M1AP: variants seen among roughly 807,000 people sequenced by gnomAD.
The protein encoded by M1AP is meiosis 1 arrest protein.
Under a neutral mutation model 51.2 loss-of-function variants are expected in M1AP, and 39 were observed. That is an observed-to-expected ratio of 0.76 (90% CI 0.59 to 1.00). The LOEUF (loss-of-function observed/expected upper bound fraction) is 1.00, where lower values mean the gene tolerates loss of function less well. M1AP is among the 50% of genes least tolerant of loss of function. The pLI, the probability that M1AP is intolerant of heterozygous loss-of-function variation, is 0.00. For missense variants in M1AP, 545 were observed against 641.2 expected (o/e 0.85, Z 1.62); for synonymous variants, 251 against 249.2 (o/e 1.01, Z -0.07).
At chr2:74,566,767 G>T (rs1678420095) in intron 7 of M1AP, among the ~76,000 whole-genome samples, 1 of 151,106 alleles carries the variant, frequency 6.6e-6, no homozygotes, top group African/African-American at 2.4e-5. Flanking sequence ...ATTTAACCAA[G>T]CACTTTCCAT....
chr2:74,561,217 AAGGAGGAGGAGGAGAAGGAGGAGGAGG>A (rs1558643923), intron 8 of M1AP, among the ~76,000 whole-genome samples: 3 of 24,736 alleles, frequency 1.2e-4, no homozygotes, highest in Non-Finnish European at 2.0e-4. Flanking sequence ...GGAGGAGGAG[AAGGAGGAGGAGGAGAAGGAGGAGGAGG>A]AGGAGGAGGA....
At chr2:74,620,197 G>A (rs1347307877) in intron 2 of M1AP, among the ~76,000 whole-genome samples, 1 of 152,138 alleles carries the variant, frequency 6.6e-6, no homozygotes, top group Non-Finnish European at 1.5e-5. Flanking sequence ...AACCCTCCTA[G>A]ATAATGTAAT....
chr2:74,603,108 G>A (rs1426675517), intron 4 of M1AP, among the ~76,000 whole-genome samples: 2 of 152,172 alleles, frequency 1.3e-5, no homozygotes, highest in African/African-American at 4.8e-5. Flanking sequence ...GTGGCCTAGG[G>A]AACTATGATT....
intron 3 of M1AP, among the ~76,000 whole-genome samples, chr2:74,609,789 ATT>A (rs2104714276): frequency 6.6e-6 from 1 of 152,042 alleles, no homozygotes; most frequent in South Asian, 2.1e-4. Flanking sequence ...TGTGGGTTTG[ATT>A]TGCATTTCTC....
intron 4 of M1AP, among the ~76,000 whole-genome samples, chr2:74,583,674 T>C (rs1479184381): frequency 6.6e-6 from 1 of 152,256 alleles, no homozygotes; most frequent in Non-Finnish European, 1.5e-5. Context: ...AATTAGCTTC[T>C]GTGTATGACT....
intron 4 of M1AP, among the ~76,000 whole-genome samples, chr2:74,582,946 G>A (rs1300064283): frequency 6.6e-6 from 1 of 152,030 alleles, no homozygotes; most frequent in African/African-American, 2.4e-5. Flanking sequence ...GCTTGAATCT[G>A]GGAGACAGAG....
chr2:74,618,922 G>T (rs571806691), intron 2 of M1AP: 22 of 532,738 alleles, frequency 4.1e-5, no homozygotes, highest in Middle Eastern at 3.2e-4. Flanking sequence ...TGTCTTTGGG[G>T]AAAAGCGTCA....
At chr2:74,599,946 TC>T (rs1680582973) in intron 4 of M1AP, among the ~76,000 whole-genome samples, 1 of 152,028 alleles carries the variant, frequency 6.6e-6, no homozygotes, top group Non-Finnish European at 1.5e-5. Flanking sequence ...TACTTCCTCC[TC>T]AGCGTGCCTA....
At chr2:74,602,974 G>T (rs1386620699) in intron 4 of M1AP, among the ~76,000 whole-genome samples, 1 of 152,202 alleles carries the variant, frequency 6.6e-6, no homozygotes, top group Non-Finnish European at 1.5e-5. Context: ...AGTTCTTTCT[G>T]GTGACAGTCA....
rs923815938 is a variant in M1AP, at chr2:74,636,330, T to C, written c.240+3706A>G. Among the ~76,000 whole-genome samples the C allele has an allele frequency of 3.3e-5, 5 of 152,242 alleles. No individual in the cohort carries two copies. The South Asian group carries it at 1.0e-3, about 32-fold the overall frequency. The stretch of plus-strand genomic sequence containing the variant: ...ATATATCCCTTTCCATTCTTTTACT[T>C]TCAGCCTACATTTAATGTGTTTGAA... On this transcript the variant is annotated intron_variant, in intron 2 of 10. Coordinates refer to ENST00000421985, the MANE Select transcript of M1AP (RefSeq NM_001321739.2).
intron 2 of M1AP, chr2:74,615,614 T>A (rs1681620981): frequency 5.9e-6 from 1 of 168,722 alleles, no homozygotes; most frequent in African/African-American, 2.4e-5. Context: ...AATTCATACG[T>A]CCTATCTAAT....
At position 74,598,381 on chromosome 2, in the gene M1AP, CAATAAATAAATA is replaced by C. The variant is rs112411965; in HGVS notation, c.595+8662_595+8673del. On this transcript the variant is annotated intron_variant, in intron 4 of 10. Transcript: ENST00000421985. ...TGGGTGACAGATCGAGACTCCATGT[CAATAAATAAATA>C]AATAAATAAATAAATAAATAAAAGT... Among the ~76,000 whole-genome samples the C allele has an allele frequency of 9.3e-4, 139 of 149,296 alleles. No homozygotes were observed. The Middle Eastern group carries it at 0.01, about 11-fold the overall frequency.
chr2:74,572,424 A>C (rs899450986), intron 7 of M1AP, among the ~76,000 whole-genome samples: 12 of 152,090 alleles, frequency 7.9e-5, no homozygotes, highest in African/African-American at 2.4e-4. Context: ...GGGCTCAGGC[A>C]AGCCTTCCAC....
At chr2:74,621,212 G>A (rs946375677) in intron 2 of M1AP, among the ~76,000 whole-genome samples, 1 of 151,990 alleles carries the variant, frequency 6.6e-6, no homozygotes, top group Non-Finnish European at 1.5e-5. Flanking sequence ...AACCCGGGAG[G>A]TGGAGGTTGC....
At chr2:74,604,376 G>A (rs1170300818) in intron 4 of M1AP, among the ~76,000 whole-genome samples, 1 of 152,206 alleles carries the variant, frequency 6.6e-6, no homozygotes, top group African/African-American at 2.4e-5. Flanking sequence ...TTTCATGGAA[G>A]ACAATTTTTC....
intron 4 of M1AP, among the ~76,000 whole-genome samples, chr2:74,584,504 T>C (rs993355360): frequency 1.9e-4 from 28 of 148,372 alleles, no homozygotes; most frequent in African/African-American, 6.7e-4. Context: ...CTAAGAAAAG[T>C]AGAGAAGATA....
intron 7 of M1AP, among the ~76,000 whole-genome samples, chr2:74,573,503 C>A (rs1311095676): frequency 6.6e-6 from 1 of 151,924 alleles, no homozygotes; most frequent in Non-Finnish European, 1.5e-5. Context: ...GAGGTGCGTG[C>A]CACTATGCCT....
intron 5 of M1AP, among the ~76,000 whole-genome samples, chr2:74,578,600 C>T (rs919882116): frequency 1.3e-5 from 2 of 152,146 alleles, no homozygotes; most frequent in Non-Finnish European, 2.9e-5. Context: ...GTGTGCTTCT[C>T]CCACCCAGAG....
intron 1 of M1AP, among the ~76,000 whole-genome samples, chr2:74,642,509 A>C (rs1367294081): frequency 6.6e-6 from 1 of 152,242 alleles, no homozygotes; most frequent in Non-Finnish European, 1.5e-5. Context: ...AAAAAGAGAG[A>C]GCAAACATCA....
Sources: allele counts gnomAD v4.1 joint callset (sites outside exome capture counted in the v4.1 genomes callset), GRCh38; gene constraint gnomAD v4.1.1; transcripts MANE v1.5; gene names NCBI Gene and HGNC (gene_info 2026-07-23, HGNC 2026-07-21).